Variants in SGCZ observed in about 807,000 individuals in gnomAD.
SGCZ encodes the protein sarcoglycan zeta.
In SGCZ, 40 loss-of-function variants were observed where a neutral mutation model predicts 41.3. That is an observed-to-expected ratio of 0.97 (90% confidence interval 0.75 to 1.26). SGCZ has a LOEUF of 1.26. Ranked by LOEUF, SGCZ falls within the 50% of genes most tolerant of loss-of-function variation. The probability of loss-of-function intolerance (pLI) is 0.00; values close to 1 mark genes in which losing one functional copy is unlikely to be tolerated. For synonymous variants in SGCZ, 206 were observed against 137.5 expected (o/e 1.50, Z -3.49); for missense variants, 552 against 369.8 (o/e 1.49, Z -4.04).
intron 2 of SGCZ, 25 bp downstream of exon 2, chr8:14,554,707 G>A: frequency 6.3e-7 from 1 of 1,581,460 alleles, no homozygotes; most frequent in East Asian, 2.3e-5. Context: ...AGAGCAATAA[G>A]ATGTAAAATC....
chr8:14,836,178 G>T (rs1369390402), intron 1 of SGCZ, among the ~76,000 whole-genome samples: 1 of 149,462 alleles, frequency 6.7e-6, no homozygotes, highest in Non-Finnish European at 1.5e-5. Flanking sequence ...TCTCAGAGGG[G>T]TCCATTGCAC....
intron 1 of SGCZ, among the ~76,000 whole-genome samples, chr8:15,067,986 G>A (rs969735204): frequency 3.9e-5 from 6 of 152,130 alleles, no homozygotes; most frequent in Non-Finnish European, 8.8e-5. Context: ...TTATGTTCTC[G>A]GCACAGAGTA....
chr8:14,505,940 A>C (rs1000807389), intron 2 of SGCZ, among the ~76,000 whole-genome samples: 6 of 152,122 alleles, frequency 3.9e-5, no homozygotes, highest in Admixed American at 3.3e-4. Flanking sequence ...TGGTCCAAAG[A>C]CATTTACTCT....
At chr8:14,335,744 G>A (rs1003071747) in intron 2 of SGCZ, among the ~76,000 whole-genome samples, 9 of 152,008 alleles carry the variant, frequency 5.9e-5, no homozygotes, top group East Asian at 3.9e-4. Flanking sequence ...CAGAACTTTC[G>A]AGTTACAGCG....
chr8:14,183,227 G>T (rs1390489546), intron 4 of SGCZ, among the ~76,000 whole-genome samples: 1 of 151,758 alleles, frequency 6.6e-6, no homozygotes, highest in African/African-American at 2.4e-5. Flanking sequence ...ATCAGAAATA[G>T]AAAACCTGGA....
At chr8:14,732,547 A>G (rs959078483) in intron 1 of SGCZ, among the ~76,000 whole-genome samples, 5 of 152,118 alleles carry the variant, frequency 3.3e-5, no homozygotes, top group Non-Finnish European at 7.4e-5. Flanking sequence ...GCTGTCAGGA[A>G]CCTGAATGCT....
chr8:15,213,886 A>G (rs1367582527), intron 1 of SGCZ, among the ~76,000 whole-genome samples: 2 of 152,052 alleles, frequency 1.3e-5, no homozygotes, highest in Non-Finnish European at 2.9e-5. Flanking sequence ...AAAAACCACA[A>G]TTCTAAGCTT....
intron 1 of SGCZ, among the ~76,000 whole-genome samples, chr8:14,912,149 T>A (rs1799296841): frequency 6.6e-6 from 1 of 151,994 alleles, no homozygotes; most frequent in African/African-American, 2.4e-5. Context: ...AAATAACAAA[T>A]AATTTACATG....
chr8:14,216,110 C>A (rs1805985123), intron 4 of SGCZ, among the ~76,000 whole-genome samples: 1 of 152,220 alleles, frequency 6.6e-6, no homozygotes. Context: ...TCGCCCTCCC[C>A]TGAGAGAGTA....
intron 1 of SGCZ, among the ~76,000 whole-genome samples, chr8:14,753,268 A>G (rs1007538885): frequency 1.3e-5 from 2 of 152,154 alleles, no homozygotes; most frequent in African/African-American, 2.4e-5. Context: ...CTATTATCAA[A>G]TAATGTACTT....
At chr8:14,205,877 A>T (rs2117082066) in intron 4 of SGCZ, among the ~76,000 whole-genome samples, 1 of 152,326 alleles carries the variant, frequency 6.6e-6, no homozygotes, top group African/African-American at 2.4e-5. Flanking sequence ...TTTCATAAAA[A>T]ACAAATTACC....
At position 14,116,774 on chromosome 8, in the gene SGCZ, G is replaced by C. The variant is rs73520387; in HGVS notation, c.548-8539C>G. Among the ~76,000 whole-genome samples, 7 of 152,070 alleles carry C rather than the reference G, an allele frequency of 4.6e-5. 1 individual carries two copies. In the South Asian group the frequency reaches 1.0e-3, roughly 23 times the overall value. ...TTTCATTTGTTTTTTAACCATAAGA[G>C]GACTGGTAGCATTCTTTTTACTTTT... On this transcript the variant is annotated intron_variant, in intron 5 of 7. Transcript: ENST00000382080.
At position 14,403,005 on chromosome 8, in the gene SGCZ, A is replaced by G. The variant is rs1164522934; in HGVS notation, c.235-78801T>C. 2.7e-5 allele frequency among the ~76,000 whole-genome samples: 4 copies of G among 149,774 alleles called. 1 individual carries two copies. In the South Asian group the frequency reaches 6.2e-4, roughly 23 times the overall value. ...AGTTCTCCTTGAAGAGGTCCTTCACATCCCTTGTAAGTTGGATTCCTAGGT... is the reference window on the plus strand; with the variant it reads ...AGTTCTCCTTGAAGAGGTCCTTCACGTCCCTTGTAAGTTGGATTCCTAGGT... On this transcript the variant is annotated intron_variant, in intron 2 of 7. Transcript: ENST00000382080.
At chr8:15,191,498 GA>G (rs1800535520) in intron 1 of SGCZ, among the ~76,000 whole-genome samples, 1 of 151,988 alleles carries the variant, frequency 6.6e-6, no homozygotes, top group South Asian at 2.1e-4. Context: ...AGGTTTTAAA[GA>G]AAACCTTATT....
chr8:14,622,861 T>A (rs1159679308), intron 1 of SGCZ, among the ~76,000 whole-genome samples: 3 of 152,186 alleles, frequency 2.0e-5, no homozygotes, highest in Non-Finnish European at 4.4e-5. Context: ...AAAATGACAA[T>A]TCATTTTTTA....
At chr8:14,512,597 C>T (rs924250581) in intron 2 of SGCZ, among the ~76,000 whole-genome samples, 1 of 150,838 alleles carries the variant, frequency 6.6e-6, no homozygotes, top group South Asian at 2.1e-4. Flanking sequence ...GTAACTAGGG[C>T]TACAGGTACA....
intron 3 of SGCZ, among the ~76,000 whole-genome samples, chr8:14,262,138 T>C (rs576678965): frequency 6.6e-6 from 1 of 152,312 alleles, no homozygotes; most frequent in African/African-American, 2.4e-5. Context: ...TTTACTGATA[T>C]GCATTAAGGT....
intron 1 of SGCZ, among the ~76,000 whole-genome samples, chr8:14,666,545 A>G (rs1585166489): frequency 6.6e-6 from 1 of 152,332 alleles, no homozygotes; most frequent in Middle Eastern, 3.4e-3. Context: ...ACATCTTATC[A>G]GCACAACTAT....
intron 1 of SGCZ, among the ~76,000 whole-genome samples, chr8:14,838,776 C>G (rs1468678134): frequency 6.6e-6 from 1 of 152,150 alleles, no homozygotes; most frequent in Non-Finnish European, 1.5e-5. Context: ...TCCCTTGTAT[C>G]TTTTCGTGGA....
Sources: gnomAD v4.1 joint callset for allele counts (sites outside exome capture counted in the v4.1 genomes callset) on GRCh38, gnomAD v4.1.1 for gene constraint, MANE v1.5 for transcripts, NCBI Gene and HGNC (gene_info 2026-07-23, HGNC 2026-07-21) for gene names.